The following ATXN10 variants were observed in gnomAD, a reference collection of about 807,000 sequenced individuals.
ATXN10 encodes ataxin 10.
ATXN10 carries 28 observed loss-of-function variants against 52.9 expected under a neutral mutation model. The ratio of observed to expected loss-of-function variants is 0.53; its 90% CI spans 0.39 to 0.73. The LOEUF is 0.73. Ranked by LOEUF, ATXN10 falls within the 30% of genes least tolerant of loss-of-function variation. The probability of loss-of-function intolerance (pLI) is 0.00; values close to 1 mark genes in which losing one functional copy is unlikely to be tolerated. For missense variants in ATXN10, 565 were observed against 577.0 expected, an observed-to-expected ratio of 0.98 and a Z score of 0.21; for synonymous variants, 226 against 221.5, an observed-to-expected ratio of 1.02 and a Z score of -0.18.
chr22:45,761,569 T>C (rs1926392332), intron 9 of ATXN10, among the ~76,000 whole-genome samples: 1 of 152,238 alleles, frequency 6.6e-6, no homozygotes, highest in African/African-American at 2.4e-5. Context: ...TACAGTATCA[T>C]AGGTATAATC....
rs1481840041 is a variant in ATXN10 at position 45,780,206 on chromosome 22, C to G, written c.1174-26753C>G. Among the ~76,000 whole-genome samples the G allele has an allele frequency of 6.6e-6, 1 of 152,152 alleles. No individual in the cohort carries two copies. Among genetic ancestry groups the G allele is most frequent in the Non-Finnish European group, 1.5e-5 (1 of 68,030 alleles). On this transcript the variant is annotated intron_variant, in intron 9 of 11. Transcript: ENST00000252934. This position sits in a 1 kb window ranked among gnomAD's most constrained non-coding sequence, Gnocchi z 4.0. Reference sequence around the variant, plus strand: ...TCAAGCGATTACCCTGCTTCAGCCTCCTGAGTAGCTGGGATTACAGGCGTG... The same window carrying G: ...TCAAGCGATTACCCTGCTTCAGCCTGCTGAGTAGCTGGGATTACAGGCGTG...
intron 8 of ATXN10, among the ~76,000 whole-genome samples, chr22:45,739,919 C>T (rs1279917495): frequency 1.3e-5 from 2 of 152,082 alleles, no homozygotes; most frequent in East Asian, 3.9e-4. Context: ...ATGATTTGGC[C>T]AGTTGGATGA....
intron 2 of ATXN10, among the ~76,000 whole-genome samples, chr22:45,692,371 G>A (rs1923419380): frequency 2.0e-5 from 3 of 152,094 alleles, no homozygotes; most frequent in Admixed American, 2.0e-4. Context: ...AAATGAAAAT[G>A]AACATTTAAG....
chr22:45,835,164 T>G lies in ATXN10; in HGVS notation c.1238-7827T>G, dbSNP rs1222523351. On this transcript the variant is annotated intron_variant, in intron 10 of 11. Coordinates refer to ENST00000252934, the MANE Select transcript of ATXN10 (RefSeq NM_013236.4). The surrounding 1 kb of genome is among the most constrained non-coding windows in gnomAD (Gnocchi z 5.0). ...GCCCTCCATCGGCCACAGAAGCTTTTGGAGTGGGCAGGGCACAGGTCATCT... is the reference window on the plus strand; with the variant it reads ...GCCCTCCATCGGCCACAGAAGCTTTGGGAGTGGGCAGGGCACAGGTCATCT... Among the ~76,000 whole-genome samples, 3 of 152,174 alleles carry G rather than the reference T, an allele frequency of 2.0e-5. No individual in the cohort carries two copies. The highest frequency in any genetic ancestry group is 4.4e-5 in the Non-Finnish European group (3 of 68,026).
At chr22:45,742,193 A>G (rs1450207640) in intron 9 of ATXN10, among the ~76,000 whole-genome samples, 1 of 152,184 alleles carries the variant, frequency 6.6e-6, no homozygotes, top group African/African-American at 2.4e-5. Context: ...CTCTAAAAAA[A>G]AAAATCAACA....
chr22:45,702,812 A>G lies in ATXN10; in HGVS notation c.612A>G (p.Ile204Met). 2 of 1,614,010 alleles carry G rather than the reference A, an allele frequency of 1.2e-6. No individual in the cohort carries two copies. The highest frequency in any genetic ancestry group is 1.7e-6 in the Non-Finnish European group (2 of 1,179,984). The stretch of plus-strand genomic sequence containing the variant: ...ACCTCAATATTGCAATTGATGTCAT[A>G]GATGCTTACCAAAAACATCCTGAAT... ...EENLNIAIDV[I>M]DAYQKHPESE... The change falls in exon 5 of 12, where the codon ATA (isoleucine) becomes ATG (methionine). Residue 204 changes from isoleucine (I) to methionine (M), a missense_variant. Ile to Met is a conservative substitution (Grantham distance 10). Coordinates refer to ENST00000252934, the MANE Select transcript of ATXN10 (RefSeq NM_013236.4).
intron 7 of ATXN10, chr22:45,734,530 ATT>A (rs199766625): frequency 3.2e-4 from 36 of 113,868 alleles, no homozygotes; most frequent in Non-Finnish European, 4.4e-4. Context: ...TGGCCTCTGG[ATT>A]TTTTTTTTTT....
chr22:45,697,098 C>T (rs1204202463), intron 3 of ATXN10, among the ~76,000 whole-genome samples: 1 of 151,934 alleles, frequency 6.6e-6, no homozygotes, highest in Non-Finnish European at 1.5e-5. Context: ...TTAGTACATC[C>T]ACAGTATTAT....
In ATXN10 at chr22:45,690,049, G is replaced by C. The variant is rs181181742; in HGVS notation, c.308+146G>C. 3.0e-4 allele frequency: 239 copies of C among 796,672 alleles called. 1 individual carries two copies. The highest frequency in any genetic ancestry group is 4.0e-4 in the Non-Finnish European group (192 of 479,024). 49.4% of individuals were successfully genotyped at this position (796,672 alleles called of 1,614,324 possible). A position where few individuals can be genotyped will look rare whatever the true frequency, so the allele number is the denominator to read the frequency against. Reference sequence around the variant, plus strand: ...GCATTTTGGGAGGCTGAGGCAGGAGGATTGCTTGAGTCCAGGAGTTCAAGA... The same window carrying C: ...GCATTTTGGGAGGCTGAGGCAGGAGCATTGCTTGAGTCCAGGAGTTCAAGA... On this transcript the variant is annotated intron_variant, in intron 2 of 11. Transcript: ENST00000252934. The surrounding 1 kb of genome is among the most constrained non-coding windows in gnomAD (Gnocchi z 4.5).
chr22:45,674,538 C>T (rs1306067615), intron 1 of ATXN10: 1 of 152,236 alleles, frequency 6.6e-6, no homozygotes, highest in Non-Finnish European at 1.5e-5. Context: ...CTGAGAGGAT[C>T]CCTCCAGTTC....
intron 9 of ATXN10, among the ~76,000 whole-genome samples, chr22:45,804,960 C>G (rs1444694339): frequency 2.0e-5 from 3 of 152,184 alleles, no homozygotes; most frequent in Non-Finnish European, 2.9e-5. Flanking sequence ...AATCTGGCTA[C>G]ATCTCCTGGC....
At chr22:45,743,198 G>T (rs1432762038) in intron 9 of ATXN10, among the ~76,000 whole-genome samples, 1 of 152,168 alleles carries the variant, frequency 6.6e-6, no homozygotes, top group African/African-American at 2.4e-5. Flanking sequence ...AGTTTAGAGG[G>T]TATGAAGGAG....
In ATXN10 at chr22:45,828,976, A is replaced by G. The variant is rs924986288; in HGVS notation, c.1238-14015A>G. Reference sequence around the variant, plus strand: ...CACTACAAGAAAACTAAAGACCAACATCCTTTATGAACATGAATTTAACAG... The same window carrying G: ...CACTACAAGAAAACTAAAGACCAACGTCCTTTATGAACATGAATTTAACAG... On this transcript the variant is annotated intron_variant, in intron 10 of 11. Transcript: ENST00000252934. The surrounding 1 kb of genome is among the most constrained non-coding windows in gnomAD (Gnocchi z 4.5). Among the ~76,000 whole-genome samples, 1 of 152,170 alleles carries G rather than the reference A, an allele frequency of 6.6e-6. No homozygotes were observed. The highest frequency in any genetic ancestry group is 2.4e-5 in the African/African-American group (1 of 41,444).
At chr22:45,702,558 T>C in intron 4 of ATXN10, 131 bp from the exon 5 acceptor site, 6 of 784,070 alleles carry the variant, frequency 7.7e-6, no homozygotes, top group South Asian at 1.7e-5. Context: ...AATCTACTTA[T>C]TTTAAAGTGC....
In ATXN10 at chr22:45,672,060, C is replaced by T. The variant is rs1453486995; in HGVS notation, c.-4C>T. On this transcript the variant is annotated 5_prime_UTR_variant, in exon 1 of 12. Coordinates refer to ENST00000252934, the MANE Select transcript of ATXN10 (RefSeq NM_013236.4). ...TCAGGCTCGACCCAGCTGTGAGCGG[C>T]AAGATGGCGGCGCCCAGGCCGCCGC... is the stretch of plus-strand genomic sequence containing the variant. 8.5e-6 allele frequency: 13 copies of T among 1,536,384 alleles called. No individual in the cohort carries two copies. Among genetic ancestry groups the T allele is most frequent in the Non-Finnish European group, 9.6e-6 (11 of 1,145,114 alleles).
chr22:45,734,031 T>G (rs1012873837), intron 7 of ATXN10, among the ~76,000 whole-genome samples: 1 of 152,148 alleles, frequency 6.6e-6, no homozygotes, highest in African/African-American at 2.4e-5. Context: ...TCATCATAAT[T>G]TTTTCATTTG....
In ATXN10 at chr22:45,744,955, ACCTCGT is replaced by A. The variant is rs1925671601; in HGVS notation, c.1173+4419_1173+4424del. 6.6e-6 allele frequency: 1 copy of A among 152,136 alleles called. No individual in the cohort carries two copies. The highest frequency in any genetic ancestry group is 1.5e-5 in the Non-Finnish European group (1 of 68,010). The allele number at this position is 152,136 out of a possible 1,614,324, so 9.4% of individuals were successfully genotyped here. A position where few individuals can be genotyped will look rare whatever the true frequency, so the allele number is the denominator to read the frequency against. On this transcript the variant is annotated intron_variant, in intron 9 of 11. Coordinates refer to ENST00000252934, the MANE Select transcript of ATXN10 (RefSeq NM_013236.4). The surrounding 1 kb of genome is among the most constrained non-coding windows in gnomAD (Gnocchi z 4.9). ...TAAAGGAATTGCTAGACTTCCCTTT[ACCTCGT>A]CATGGTAGGGAGGTGTCAAATCCTT... is the stretch of plus-strand genomic sequence containing the variant.
intron 6 of ATXN10, among the ~76,000 whole-genome samples, chr22:45,724,385 C>T (rs1043833140): frequency 6.6e-6 from 1 of 152,076 alleles, no homozygotes; most frequent in East Asian, 1.9e-4. Flanking sequence ...GGTGGCATCT[C>T]ATTGTGGTTT....
intron 9 of ATXN10, among the ~76,000 whole-genome samples, chr22:45,751,051 C>G (rs1198015685): frequency 6.6e-6 from 1 of 152,112 alleles, no homozygotes; most frequent in Non-Finnish European, 1.5e-5. Flanking sequence ...CTGCCTCAGC[C>G]TCCTGAGTAG....
Sources: allele counts gnomAD v4.1 joint callset (sites outside exome capture counted in the v4.1 genomes callset), GRCh38; gene constraint gnomAD v4.1.1; non-coding constraint Gnocchi (gnomAD v3.1); transcripts MANE v1.5; gene names NCBI Gene and HGNC (gene_info 2026-07-23, HGNC 2026-07-21).